The following RMDN3 variants were observed in gnomAD, a reference collection of about 807,000 sequenced individuals.
RMDN3 encodes regulator of microtubule dynamics 3.
In RMDN3, 41 loss-of-function variants were observed where a neutral mutation model predicts 61.8. The observed-to-expected ratio is 0.66, with a 90% confidence interval of 0.52 to 0.86. RMDN3 has a LOEUF of 0.86. RMDN3 is among the 40% of genes least tolerant of loss of function. The probability of loss-of-function intolerance (pLI) is 0.00; values close to 1 mark genes in which losing one functional copy is unlikely to be tolerated. For missense variants in RMDN3, 557 were observed against 585.3 expected (o/e 0.95, Z 0.50); for synonymous variants, 247 against 232.0 (o/e 1.06, Z -0.59).
intron 6 of RMDN3, among the ~76,000 whole-genome samples, chr15:40,741,553 T>C (rs1897279241): frequency 6.7e-6 from 1 of 149,406 alleles, no homozygotes; most frequent in African/African-American, 2.5e-5. Flanking sequence ...GTATCGAGGC[T>C]GGAGCTTACG....
At chr15:40,743,738 G>A (rs1897372425) in intron 6 of RMDN3, among the ~76,000 whole-genome samples, 1 of 152,150 alleles carries the variant, frequency 6.6e-6, no homozygotes, top group Non-Finnish European at 1.5e-5. Context: ...AAAAACCTCA[G>A]GTTAAGAAAA....
At chr15:40,744,256 TAC>T in intron 5 of RMDN3, 107 bp from the exon 6 acceptor site, 1 of 955,360 alleles carries the variant, frequency 1.0e-6, no homozygotes, top group Admixed American at 2.0e-5. Context: ...GCTAGTATGT[TAC>T]AGTCATCAAT....
rs758309741 is a variant in RMDN3 at position 40,740,144 on chromosome 15, G to A, written c.960C>T (p.Asp320=). The A allele has an allele frequency of 2.5e-6, 4 of 1,610,184 alleles. No individual in the cohort carries two copies. The highest frequency in any genetic ancestry group is 1.7e-5 in the Admixed American group (1 of 59,886). The change falls in exon 7 of 13, where the codon GAC becomes GAT. Residue 320 remains aspartate (D), a synonymous_variant. Transcript: ENST00000338376. ...CAGGGTGTTATTACCACAGGTGACA[G>A]TCAGCACTCTCATCCCCCTTCTCCA... ...AALEKGDESA[D]CHLWYAVLCG... is the part of the protein sequence containing the mutation.
chr15:40,747,335 G>A (rs1012057428), intron 4 of RMDN3, among the ~76,000 whole-genome samples: 16 of 152,220 alleles, frequency 1.1e-4, no homozygotes, highest in African/African-American at 3.4e-4. Context: ...AAGAAGAGAG[G>A]TCAGGGAGCC....
chr15:40,745,469 G>A (rs1364694804), intron 4 of RMDN3, among the ~76,000 whole-genome samples: 6 of 146,580 alleles, frequency 4.1e-5, no homozygotes, highest in African/African-American at 1.5e-4. Context: ...CTGGAGTGCA[G>A]TGGTTCGATC....
Position 40,737,746 on chromosome 15 carries a change from G to A in RMDN3, c.1126-20C>T. ...AGAGACCTGCCACAAAAAGATCAAG[G>A]TGTGTATAAGAGGTTTTAAAAGGTT... On this transcript the variant is annotated intron_variant, in intron 9 of 12. Coordinates refer to ENST00000338376, the MANE Select transcript of RMDN3 (RefSeq NM_018145.3). 6.2e-7 allele frequency: 1 copy of A among 1,609,104 alleles called. No homozygotes were observed. The highest frequency in any genetic ancestry group is 8.5e-7 in the Non-Finnish European group (1 of 1,176,236).
intron 2 of RMDN3, 121 bp downstream of exon 2, chr15:40,754,476 A>G: frequency 9.5e-7 from 1 of 1,050,136 alleles, no homozygotes; most frequent in Non-Finnish European, 1.3e-6. Flanking sequence ...CAAGCTTCCA[A>G]AAAAGTGAAA....
chr15:40,742,017 A>G (rs1897303613), intron 6 of RMDN3, among the ~76,000 whole-genome samples: 1 of 150,802 alleles, frequency 6.6e-6, no homozygotes, highest in Non-Finnish European at 1.5e-5. Flanking sequence ...GCTAATCTGA[A>G]ATGTTTTCCT....
At position 40,745,421 on chromosome 15, in the gene RMDN3, T is replaced by C. The variant is rs117052526; in HGVS notation, c.525-162A>G. On this transcript the variant is annotated intron_variant, in intron 4 of 12. Coordinates refer to ENST00000338376, the MANE Select transcript of RMDN3 (RefSeq NM_018145.3). The stretch of plus-strand genomic sequence containing the variant: ...AGGGCAGACTTTTTTTCTTTTTTTT[T>C]TTTTTTTTTGAGACAGGGTCCCGCT... Among the ~76,000 whole-genome samples the C allele has an allele frequency of 6.0e-4, 91 of 150,830 alleles. No homozygotes were observed. In the East Asian group the frequency reaches 0.015, roughly 25 times the overall value.
chr15:40,743,959 T>C, intron 6 of RMDN3, 88 bp downstream of exon 6: 1 of 1,105,010 alleles, frequency 9.0e-7, no homozygotes, highest in South Asian at 1.5e-5. Context: ...GACAGCATCT[T>C]GGTGGTTCCC....
intron 4 of RMDN3, among the ~76,000 whole-genome samples, chr15:40,750,135 A>T: frequency 6.7e-6 from 1 of 148,506 alleles, no homozygotes; most frequent in Non-Finnish European, 1.5e-5. Context: ...TGGCACAATT[A>T]TGGCTCACTG....
chr15:40,746,094 C>T (rs906236062), intron 4 of RMDN3, among the ~76,000 whole-genome samples: 24 of 152,208 alleles, frequency 1.6e-4, no homozygotes, highest in African/African-American at 5.5e-4. Context: ...AACCCTGATG[C>T]ACCCACTAAA....
At chr15:40,742,158 G>A (rs938847976) in intron 6 of RMDN3, among the ~76,000 whole-genome samples, 8 of 151,116 alleles carry the variant, frequency 5.3e-5, no homozygotes, top group Non-Finnish European at 1.0e-4. Context: ...ACCATGCCTG[G>A]CTAATTTTTT....
Position 40,737,002 on chromosome 15 carries a change from C to T in RMDN3, c.1359+122G>A, listed in dbSNP as rs751659095. 8.7e-5 allele frequency: 70 copies of T among 803,866 alleles called. 1 individual carries two copies. The highest frequency in any genetic ancestry group is 3.6e-4 in the Middle Eastern group (1 of 2,750). 49.8% of individuals were successfully genotyped at this position (803,866 alleles called of 1,614,324 possible). ...CCGAGTAGCTGGAATTATAGGCGTG[C>T]GCCACTAGGCCCAACTAATTTTGTA... On this transcript the variant is annotated intron_variant, in intron 12 of 12. Coordinates refer to ENST00000338376, the MANE Select transcript of RMDN3 (RefSeq NM_018145.3).
At position 40,740,081 on chromosome 15, in the gene RMDN3, C is replaced by T; in HGVS notation, c.971+52G>A. On this transcript the variant is annotated intron_variant, in intron 7 of 12. Transcript: ENST00000338376. ...CAGGCAGAGAAAAGAAAGGGCTGTC[C>T]TCTGCTTTGGCCCTTGCTGGCTCTT... 5 of 1,219,160 alleles carry T rather than the reference C, an allele frequency of 4.1e-6. 1 individual carries two copies. In the South Asian group the frequency reaches 5.0e-5, roughly 12 times the overall value. The allele number at this position is 1,219,160 out of a possible 1,614,324, so 75.5% of individuals were successfully genotyped here. A position where few individuals can be genotyped will look rare whatever the true frequency, so the allele number is the denominator to read the frequency against.
intron 12 of RMDN3, 57 bp downstream of exon 12, chr15:40,737,067 G>A: frequency 7.2e-7 from 1 of 1,395,694 alleles, no homozygotes; most frequent in Non-Finnish European, 1.0e-6. Flanking sequence ...TGGTCAGGCT[G>A]TCTCGAACTC....
chr15:40,745,807 G>C (rs551110784), intron 4 of RMDN3, among the ~76,000 whole-genome samples: 5 of 152,196 alleles, frequency 3.3e-5, no homozygotes, highest in Non-Finnish European at 7.3e-5. Context: ...TGCCTTATCA[G>C]TCAGAGACAC....
At chr15:40,747,334 G>A (rs894967242) in intron 4 of RMDN3, among the ~76,000 whole-genome samples, 1 of 152,204 alleles carries the variant, frequency 6.6e-6, no homozygotes, top group Non-Finnish European at 1.5e-5. Context: ...CAAGAAGAGA[G>A]GTCAGGGAGC....
intron 4 of RMDN3, among the ~76,000 whole-genome samples, chr15:40,750,214 T>A (rs1897757638): frequency 7.4e-6 from 1 of 134,824 alleles, no homozygotes; most frequent in African/African-American, 3.2e-5. Flanking sequence ...CAGCTCGTTT[T>A]TTTTTTTTTT....
Sources: allele counts gnomAD v4.1 joint callset (sites outside exome capture counted in the v4.1 genomes callset), GRCh38; gene constraint gnomAD v4.1.1; transcripts MANE v1.5; gene names NCBI Gene and HGNC (gene_info 2026-07-23, HGNC 2026-07-21).